The following SH3PXD2B variants were observed in gnomAD, a reference collection of about 807,000 sequenced individuals.
The protein encoded by SH3PXD2B is SH3 and PX domains 2B, also known as SH3 and PX domain-containing protein 2B.
SH3PXD2B carries 37 observed loss-of-function variants against 73.1 expected under a neutral mutation model. The observed-to-expected ratio is 0.51, with a 90% confidence interval of 0.39 to 0.67. The LOEUF is 0.67. Among genes scored for constraint, SH3PXD2B ranks in the 30% least tolerant of loss-of-function variants. The pLI is 0.00. For missense variants in SH3PXD2B, 1,053 were observed against 1,197.8 expected, an observed-to-expected ratio of 0.88 and a Z score of 1.78; for synonymous variants, 457 against 480.5, an observed-to-expected ratio of 0.95 and a Z score of 0.64.
At chr5:172,365,160 G>A (rs1757485946) in intron 6 of SH3PXD2B, among the ~76,000 whole-genome samples, 1 of 152,210 alleles carries the variant, frequency 6.6e-6, no homozygotes, top group Admixed American at 6.5e-5. Context: ...GGAGAACAGA[G>A]GAAGAGAGAG....
chr5:172,338,127 T>C lies in SH3PXD2B; in HGVS notation c.*242A>G, dbSNP rs2113248715. 1 of 1,423,418 alleles carries C rather than the reference T, an allele frequency of 7.0e-7. No individual in the cohort carries two copies. 88.2% of individuals were successfully genotyped at this position (1,423,418 alleles called of 1,614,324 possible). A position where few individuals can be genotyped will look rare whatever the true frequency, so the allele number is the denominator to read the frequency against. Reference sequence around the variant, plus strand: ...TTCTCTTAAGGCAGGGATGCTGACATGGACAGAAAGCAAAGGCTGTGGGTT... The same window carrying C: ...TTCTCTTAAGGCAGGGATGCTGACACGGACAGAAAGCAAAGGCTGTGGGTT... On this transcript the variant is annotated 3_prime_UTR_variant, in exon 13 of 13. Transcript: ENST00000311601. The surrounding 1 kb of genome is among the most constrained non-coding windows in gnomAD (Gnocchi z 5.1).
chr5:172,376,256 T>C (rs143873214), intron 5 of SH3PXD2B, among the ~76,000 whole-genome samples: 1,646 of 152,252 alleles, frequency 0.011, 24 homozygotes, highest in African/African-American at 0.037. Context: ...CTTGAAGTCC[T>C]GACCTCAGGT....
intron 12 of SH3PXD2B, among the ~76,000 whole-genome samples, chr5:172,328,038 A>C (rs984101009): frequency 3.6e-5 from 5 of 138,594 alleles, no homozygotes; most frequent in African/African-American, 1.3e-4. Context: ...TATAGGCGTG[A>C]GCCACCACGC....
chr5:172,348,655 C>CTATCTATCTATG (rs1561896577), intron 10 of SH3PXD2B, among the ~76,000 whole-genome samples: 1 of 31,994 alleles, frequency 3.1e-5, no homozygotes, highest in African/African-American at 1.1e-4. Context: ...TCTATCTATC[C>CTATCTATCTATG]TATCTATCTA....
intron 12 of SH3PXD2B, among the ~76,000 whole-genome samples, chr5:172,345,570 T>A (rs1756975587): frequency 6.6e-6 from 1 of 152,186 alleles, no homozygotes; most frequent in South Asian, 2.1e-4. Context: ...TGCCATCCCC[T>A]TACTTACAGG....
At chr5:172,401,660 G>C (rs1455640558) in intron 3 of SH3PXD2B, among the ~76,000 whole-genome samples, 13 of 152,208 alleles carry the variant, frequency 8.5e-5, no homozygotes, top group Non-Finnish European at 1.5e-5. Flanking sequence ...CGTGGCAGAA[G>C]AACATAAATT....
intron 5 of SH3PXD2B, among the ~76,000 whole-genome samples, chr5:172,379,689 A>G (rs2569224): frequency 0.55 from 83,030 of 152,052 alleles, 24,629 homozygotes; most frequent in African/African-American, 0.78. Flanking sequence ...CAGCTGGCAA[A>G]GTCTTAGAAT....
At chr5:172,407,030 C>T (rs1758576545) in intron 2 of SH3PXD2B, among the ~76,000 whole-genome samples, 1 of 152,162 alleles carries the variant, frequency 6.6e-6, no homozygotes, top group Non-Finnish European at 1.5e-5. Context: ...GCTTCAGGGA[C>T]TTCATGTGAA....
At chr5:172,389,652 G>A (rs1019508306) in intron 4 of SH3PXD2B, among the ~76,000 whole-genome samples, 1 of 151,374 alleles carries the variant, frequency 6.6e-6, no homozygotes, top group Non-Finnish European at 1.5e-5. Flanking sequence ...CTTGAGCCTA[G>A]GAGACTGAGG....
rs200084974 is a variant in SH3PXD2B, at chr5:172,395,371, T to TA, written c.233-733dup. Reference sequence around the variant, plus strand: ...AGATCCTTCCAGTTCCTTCCCCAGTTAGTGTTCGTAAGAGAAGGGTTTTGA... The same window carrying TA: ...AGATCCTTCCAGTTCCTTCCCCAGTTAAGTGTTCGTAAGAGAAGGGTTTTGA... On this transcript the variant is annotated intron_variant, in intron 3 of 12. Transcript: ENST00000311601. Among the ~76,000 whole-genome samples the TA allele has an allele frequency of 3.6e-4, 55 of 152,340 alleles. No homozygotes were observed. In the East Asian group the frequency reaches 0.01, roughly 28 times the overall value.
intron 3 of SH3PXD2B, among the ~76,000 whole-genome samples, chr5:172,406,009 G>A (rs1758547551): frequency 6.6e-6 from 1 of 152,174 alleles, no homozygotes; most frequent in African/African-American, 2.4e-5. Flanking sequence ...TATGCCTAGT[G>A]TTCCATTATT....
At chr5:172,348,686 T>TC (rs1173982258) in intron 10 of SH3PXD2B, among the ~76,000 whole-genome samples, 18 of 41,838 alleles carry the variant, frequency 4.3e-4, no homozygotes, top group Non-Finnish European at 1.0e-3. Context: ...TATCTATCTA[T>TC]CTATCTATCT....
intron 4 of SH3PXD2B, among the ~76,000 whole-genome samples, chr5:172,394,048 A>G (rs1371849970): frequency 1.3e-5 from 2 of 151,968 alleles, no homozygotes; most frequent in African/African-American, 4.8e-5. Context: ...GGTTCAAGCG[A>G]TTCTCCTGCC....
At chr5:172,420,729 T>C (rs773814440) in intron 2 of SH3PXD2B, among the ~76,000 whole-genome samples, 5 of 152,234 alleles carry the variant, frequency 3.3e-5, no homozygotes, top group Non-Finnish European at 5.9e-5. Context: ...CTCATATTGA[T>C]TGGCGTCGAG....
In SH3PXD2B at chr5:172,334,553, TG is replaced by T. The variant is rs151201604; in HGVS notation, c.*3815del. 2.6e-3 allele frequency: 2,591 copies of T among 985,538 alleles called. 39 individuals are homozygous for T. The African/African-American group carries it at 0.039, about 15-fold the overall frequency. The allele number at this position is 985,538 out of a possible 1,614,324, so 61.0% of individuals were successfully genotyped here. A position where few individuals can be genotyped will look rare whatever the true frequency, so the allele number is the denominator to read the frequency against. ...GCCACACATGGCTCAGGCTGTTAGG[TG>T]TCCACTGTCACAGTCCAAAGAGAAA... On this transcript the variant is annotated 3_prime_UTR_variant, in exon 13 of 13. Transcript: ENST00000311601.
intron 3 of SH3PXD2B, among the ~76,000 whole-genome samples, chr5:172,399,982 G>T (rs889794610): frequency 6.6e-6 from 1 of 152,170 alleles, no homozygotes; most frequent in Non-Finnish European, 1.5e-5. Flanking sequence ...ACCAGGAGAA[G>T]AAGGAACTGC....
At chr5:172,329,030 T>C (rs1244378548), downstream of SH3PXD2B, among the ~76,000 whole-genome samples, 2 of 82,570 alleles carry the variant, frequency 2.4e-5, no homozygotes, top group East Asian at 7.3e-4. Flanking sequence ...TATATACATA[T>C]ACGTATATAT....
chr5:172,451,838 G>T lies in SH3PXD2B; in HGVS notation c.75+2440C>A, dbSNP rs115117319. Among the ~76,000 whole-genome samples, 695 of 152,278 alleles carry T rather than the reference G, an allele frequency of 4.6e-3. 7 individuals carry two copies. Among genetic ancestry groups the T allele is most frequent in the African/African-American group, 0.016 (672 of 41,546 alleles). On this transcript the variant is annotated intron_variant, in intron 1 of 12. Coordinates refer to ENST00000311601, the MANE Select transcript of SH3PXD2B (RefSeq NM_001017995.3). ...CAGGGATCTGTTTCCATTGGGTTTG[G>T]CCCCCCTGCCATCAAGGCAGTAAAT...
chr5:172,345,788 T>C (rs746211354), intron 12 of SH3PXD2B, among the ~76,000 whole-genome samples: 33 of 152,060 alleles, frequency 2.2e-4, no homozygotes, highest in Non-Finnish European at 3.2e-4. Flanking sequence ...TGGGATTTCA[T>C]CTATATGAAA....
Sources: allele counts gnomAD v4.1 joint callset (sites outside exome capture counted in the v4.1 genomes callset), GRCh38; gene constraint gnomAD v4.1.1; non-coding constraint Gnocchi (gnomAD v3.1); transcripts MANE v1.5; gene names NCBI Gene and HGNC (gene_info 2026-07-23, HGNC 2026-07-21).